Variants in IRAK4 observed in about 807,000 individuals in gnomAD.
The protein encoded by IRAK4 is interleukin 1 receptor associated kinase 4.
In IRAK4, 44 loss-of-function variants were observed where a neutral mutation model predicts 51.8. That is an observed-to-expected ratio of 0.85 (90% CI 0.67 to 1.09). The LOEUF (loss-of-function observed/expected upper bound fraction) is 1.09. Ranked by LOEUF, IRAK4 falls within the 50% of genes least tolerant of loss-of-function variation. IRAK4 has a pLI of 0.00. For synonymous variants in IRAK4, 149 were observed against 174.1 expected, an observed-to-expected ratio of 0.86 and a Z score of 1.13; for missense variants, 487 against 538.0, an observed-to-expected ratio of 0.91 and a Z score of 0.94.
intron 1 of IRAK4, chr12:43,759,353 C>T (rs937495442): frequency 2.6e-5 from 4 of 152,192 alleles, no homozygotes; most frequent in African/African-American, 7.2e-5. Flanking sequence ...AATGAAGTCT[C>T]TTTTCCCCAG....
intron 8 of IRAK4, among the ~76,000 whole-genome samples, chr12:43,781,057 C>G (rs943465152): frequency 1.3e-5 from 2 of 152,200 alleles, no homozygotes; most frequent in African/African-American, 2.4e-5. Context: ...CTCATCAGCT[C>G]TTCCCAACCT....
At chr12:43,764,598 A>G (rs971876082) in intron 1 of IRAK4, among the ~76,000 whole-genome samples, 2 of 152,186 alleles carry the variant, frequency 1.3e-5, no homozygotes, top group Admixed American at 6.5e-5. Flanking sequence ...TGGGTGCTCT[A>G]TGAAGATTTT....
chr12:43,770,281 T>G (rs1940610327), intron 2 of IRAK4, among the ~76,000 whole-genome samples: 1 of 152,236 alleles, frequency 6.6e-6, no homozygotes, highest in Non-Finnish European at 1.5e-5. Context: ...TAAGTTTTTG[T>G]GTGTTCTGTT....
chr12:43,766,429 G>T (rs966704539), intron 1 of IRAK4, among the ~76,000 whole-genome samples: 5 of 151,852 alleles, frequency 3.3e-5, no homozygotes, highest in Non-Finnish European at 5.9e-5. Context: ...CCCCTTTTCT[G>T]GGCCCCATAA....
chr12:43,786,607 A>G (rs936053450), intron 11 of IRAK4, 50 bp downstream of exon 11: 4 of 1,607,984 alleles, frequency 2.5e-6, no homozygotes, highest in African/African-American at 1.3e-5. Flanking sequence ...GGGGTTCATC[A>G]TATTTTCCAG....
chr12:43,783,554 CAA>C, intron 9 of IRAK4, 106 bp from the exon 10 acceptor site: 2 of 725,082 alleles, frequency 2.8e-6, no homozygotes, highest in Non-Finnish European at 4.8e-6. Flanking sequence ...GTCCGGGGCT[CAA>C]GTTATCCTCC....
intron 9 of IRAK4, among the ~76,000 whole-genome samples, chr12:43,783,205 C>T (rs1053736675): frequency 6.6e-6 from 1 of 152,156 alleles, no homozygotes; most frequent in African/African-American, 2.4e-5. Flanking sequence ...ACTTTAATAT[C>T]TAAAAGACAT....
intron 4 of IRAK4, 143 bp downstream of exon 4, chr12:43,772,505 A>G (rs1297933166): frequency 2.7e-6 from 2 of 743,840 alleles, no homozygotes; most frequent in Non-Finnish European, 2.3e-6. Flanking sequence ...TCCTCCTGAT[A>G]TATTAAGAAC....
chr12:43,785,301 A>G (rs1435236038), intron 10 of IRAK4, among the ~76,000 whole-genome samples: 1 of 151,634 alleles, frequency 6.6e-6, no homozygotes, highest in Non-Finnish European at 1.5e-5. Context: ...TTATTCCTAC[A>G]CTTCTCTCCC....
chr12:43,764,062 GTA>G (rs1206667983), intron 1 of IRAK4, among the ~76,000 whole-genome samples: 3 of 152,058 alleles, frequency 2.0e-5, no homozygotes, highest in African/African-American at 7.2e-5. Context: ...CTGTATATGT[GTA>G]TATGCTCTTA....
intron 9 of IRAK4, among the ~76,000 whole-genome samples, chr12:43,783,371 G>A (rs1211483936): frequency 6.6e-6 from 1 of 152,066 alleles, no homozygotes; most frequent in Non-Finnish European, 1.5e-5. Flanking sequence ...AGACTGAAGT[G>A]CAGTGGTGGA....
intron 1 of IRAK4, among the ~76,000 whole-genome samples, chr12:43,766,948 G>A (rs1211442751): frequency 6.6e-6 from 1 of 152,162 alleles, no homozygotes; most frequent in Admixed American, 6.5e-5. Context: ...AGATAATTAG[G>A]TGAAGGGCAG....
chr12:43,774,171 T>C (rs559824134), intron 6 of IRAK4, 142 bp downstream of exon 6: 8 of 675,634 alleles, frequency 1.2e-5, no homozygotes, highest in Non-Finnish European at 1.0e-5. Flanking sequence ...TTAGAGAAAT[T>C]GAAAGTACTT....
In IRAK4 at chr12:43,768,988, T is replaced by C. The variant is rs184756543; in HGVS notation, c.161+716T>C. Among the ~76,000 whole-genome samples the C allele has an allele frequency of 4.7e-4, 71 of 152,320 alleles. 1 individual carries two copies. The highest frequency in any genetic ancestry group is 4.4e-3 in the Admixed American group (68 of 15,306). ...AGACTTGGCTCCCTTGCAGGAAATA[T>C]TTCCTCATAAGAAGAGCGAACATGT... On this transcript the variant is annotated intron_variant, in intron 2 of 11. Transcript: ENST00000613694.
chr12:43,776,188 A>T (rs1048333661), intron 6 of IRAK4, among the ~76,000 whole-genome samples: 1 of 152,216 alleles, frequency 6.6e-6, no homozygotes, highest in East Asian at 1.9e-4. Flanking sequence ...CAATTTTTTA[A>T]TAAGTGCCAG....
Position 43,772,911 on chromosome 12 carries a change from G to T in IRAK4, c.491-1G>T. ...AGCATGTTTTTCTTATTTTGACATA[G>T]GTTTTCACAGTTTTTCATTTTATGA... On this transcript the variant is annotated splice_acceptor_variant, in intron 4 of 11. Transcript: ENST00000613694. LOFTEE classifies it high-confidence loss of function. The T allele has an allele frequency of 6.2e-7, 1 of 1,600,686 alleles. No individual in the cohort carries two copies. The highest frequency in any genetic ancestry group is 8.5e-7 in the Non-Finnish European group (1 of 1,171,738).
intron 1 of IRAK4, among the ~76,000 whole-genome samples, chr12:43,761,952 G>A (rs1201308117): frequency 6.6e-6 from 1 of 152,096 alleles, no homozygotes; most frequent in Non-Finnish European, 1.5e-5. Flanking sequence ...TTACTTATTT[G>A]TAAGCAACAT....
At chr12:43,771,714 T>C (rs1450516341) in intron 3 of IRAK4, among the ~76,000 whole-genome samples, 1 of 152,258 alleles carries the variant, frequency 6.6e-6, no homozygotes, top group Non-Finnish European at 1.5e-5. Context: ...GACTCTATAA[T>C]CATAATTTTA....
At chr12:43,773,788 G>A (rs1374754449) in intron 5 of IRAK4, 177 bp from the exon 6 acceptor site, 2 of 531,112 alleles carry the variant, frequency 3.8e-6, no homozygotes, top group East Asian at 3.0e-5. Flanking sequence ...CCACTAACCA[G>A]CCATGGGCCT....
Sources: allele counts gnomAD v4.1 joint callset (sites outside exome capture counted in the v4.1 genomes callset), GRCh38; gene constraint gnomAD v4.1.1; transcripts MANE v1.5; gene names NCBI Gene and HGNC (gene_info 2026-07-23, HGNC 2026-07-21).